Variants in C6orf120 observed in about 807,000 individuals in gnomAD.
C6orf120 encodes chromosome 6 open reading frame 120.
For synonymous variants in C6orf120, 165 were observed against 123.1 expected (o/e 1.34, Z -2.25); for missense variants, 311 against 264.2 (o/e 1.18, Z -1.23).
At chr6:169,704,107 A>G (rs759230680) in exon 1 of C6orf120, 2 of 1,563,182 alleles carry the variant, frequency 1.3e-6, no homozygotes, top group Non-Finnish European at 1.7e-6. Flanking sequence ...AAAATTGTTA[A>G]TATAGAATGA....
At chr6:169,704,967 G>A (rs555014531), downstream of C6orf120, 2 of 474,816 alleles carry the variant, frequency 4.2e-6, no homozygotes, top group African/African-American at 2.0e-5. Context: ...GAATTGTCTA[G>A]GGATGAAAAG....
In C6orf120 at chr6:169,704,037, A is replaced by T. The variant is rs757635217; in HGVS notation, c.*1002A>T. ...TTTGCTGTTTTTCCCCCTTCTGCCC[A>T]CTTTCCTGGGTGTTGGGGGGGCCCG... On this transcript the variant is annotated 3_prime_UTR_variant, in exon 1 of 1. Coordinates refer to ENST00000332290, the Ensembl canonical transcript of C6orf120. The T allele has an allele frequency of 1.4e-5, 23 of 1,600,770 alleles. No homozygotes were observed. In the East Asian group the frequency reaches 5.0e-4, roughly 35 times the overall value.
chr6:169,702,769 G>A (rs923719870), exon 1 of C6orf120: 4 of 1,613,094 alleles, frequency 2.5e-6, no homozygotes, highest in African/African-American at 2.7e-5. Context: ...CCCGGACGCC[G>A]TGTCCATCCC....
chr6:169,705,174 C>A (rs199609575), downstream of C6orf120: 9 of 1,612,286 alleles, frequency 5.6e-6, no homozygotes, highest in Non-Finnish European at 7.6e-6. Context: ...AGTATGATAA[C>A]CTCTGTCACA....
exon 1 of C6orf120, chr6:169,703,329 T>TA (rs1227152977): frequency 7.3e-6 from 3 of 411,690 alleles, no homozygotes; most frequent in Non-Finnish European, 1.4e-5. Context: ...TTATATAAAA[T>TA]AGAGCAACCT....
exon 1 of C6orf120, chr6:169,702,605 T>C: frequency 6.2e-7 from 1 of 1,613,304 alleles, no homozygotes. Context: ...CAGGGCCAGA[T>C]AGGCGCCGGG....
At chr6:169,703,163 C>A in exon 1 of C6orf120, 1 of 1,031,282 alleles carries the variant, frequency 9.7e-7, no homozygotes, top group Non-Finnish European at 1.4e-6. Context: ...AAAAATAAAG[C>A]CATACGCAGT....
exon 1 of C6orf120, chr6:169,703,146 G>C: frequency 1.7e-6 from 2 of 1,182,972 alleles, no homozygotes; most frequent in Non-Finnish European, 2.3e-6. Flanking sequence ...CTTTAGTCAA[G>C]GGATGGAAAA....
At position 169,702,495 on chromosome 6, in the gene C6orf120, GACGGCCCTGCTGC is replaced by G. The variant is rs1257148846; in HGVS notation, c.37_49del (p.Thr13CysfsTer3). ...CCCGCGGGAGGGCCGCGCCCTGGAC[GACGGCCCTGCTGC>G]TGCTCCTAGCCTCGCAGGTCCTGTC... is the stretch of plus-strand genomic sequence containing the variant. On this transcript the variant is annotated frameshift_variant, in exon 1 of 1. Transcript: ENST00000332290. LOFTEE classifies it low-confidence loss of function (END_TRUNC). 2.5e-6 allele frequency: 4 copies of G among 1,588,454 alleles called. No individual in the cohort carries two copies. Among genetic ancestry groups the G allele is most frequent in the Non-Finnish European group, 3.4e-6 (4 of 1,168,288 alleles).
exon 1 of C6orf120, chr6:169,702,532 T>C: frequency 6.2e-7 from 1 of 1,611,558 alleles, no homozygotes; most frequent in Non-Finnish European, 8.5e-7. Flanking sequence ...GCAGGTCCTG[T>C]CTCCGGGAAG....
At chr6:169,703,916 A>C in exon 1 of C6orf120, 1 of 1,126,892 alleles carries the variant, frequency 8.9e-7, no homozygotes, top group South Asian at 1.6e-5. Flanking sequence ...TTGCAAAAAA[A>C]ATCTTTTATT....
exon 1 of C6orf120, chr6:169,703,182 C>T (rs1038820093): frequency 2.6e-6 from 2 of 770,530 alleles, no homozygotes; most frequent in Non-Finnish European, 4.2e-6. Flanking sequence ...GTTTTGTTAC[C>T]TCAGTTACCC....
exon 1 of C6orf120, chr6:169,702,690 T>C (rs781083045): frequency 6.2e-7 from 1 of 1,613,348 alleles, no homozygotes; most frequent in Non-Finnish European, 8.5e-7. Flanking sequence ...GAGATGCGGA[T>C]CTGTACGTCT....
chr6:169,703,668 G>T (rs535076594), exon 1 of C6orf120: 11 of 279,562 alleles, frequency 3.9e-5, no homozygotes, highest in African/African-American at 1.8e-4. Context: ...AAATAACTTT[G>T]TCAGTGCTAC....
At chr6:169,705,817 T>C, downstream of C6orf120, 1 of 738,196 alleles carries the variant, frequency 1.4e-6, no homozygotes. Flanking sequence ...TATTTTTACT[T>C]TTGGTAACTT....
At chr6:169,703,431 T>G (rs1294376471) in exon 1 of C6orf120, 5 of 238,690 alleles carry the variant, frequency 2.1e-5, no homozygotes, top group African/African-American at 1.2e-4. Flanking sequence ...CAAGAGTTAC[T>G]AAAATCAAGT....
At chr6:169,702,399 C>T (rs1788349640) in exon 1 of C6orf120, 1 of 1,036,350 alleles carries the variant, frequency 9.6e-7, no homozygotes. Flanking sequence ...CGGTGCTGAG[C>T]GCCTCCGGTG....
exon 1 of C6orf120, chr6:169,702,535 C>T (rs973653954): frequency 1.9e-6 from 3 of 1,611,692 alleles, no homozygotes; most frequent in African/African-American, 2.7e-5. Context: ...GGTCCTGTCT[C>T]CGGGAAGCTG....
chr6:169,705,473 T>A, downstream of C6orf120: 1 of 712,560 alleles, frequency 1.4e-6, no homozygotes, highest in Non-Finnish European at 2.4e-6. Context: ...GGAAAACACA[T>A]GGGCTGTGTC....
Sources: gnomAD v4.1 joint callset for allele counts on GRCh38, gnomAD v4.1.1 for gene constraint, MANE v1.5 for transcripts, NCBI Gene and HGNC (gene_info 2026-07-23, HGNC 2026-07-21) for gene names.